The following CNTNAP2 variants were observed in gnomAD, a reference collection of about 807,000 sequenced individuals.
The protein encoded by CNTNAP2 is contactin associated protein 2, also known as contactin-associated protein-like 2.
In CNTNAP2, 98 loss-of-function variants were observed where a neutral mutation model predicts 155.2. That is an observed-to-expected ratio of 0.63 (90% confidence interval 0.54 to 0.75). The LOEUF is 0.75. CNTNAP2 is among the 30% of genes least tolerant of loss of function. CNTNAP2 has a pLI of 0.00. For synonymous variants in CNTNAP2, 651 were observed against 631.2 expected (o/e 1.03, Z -0.47); for missense variants, 1,727 against 1,688.1 (o/e 1.02, Z -0.40).
intron 3 of CNTNAP2, among the ~76,000 whole-genome samples, chr7:147,015,955 T>C (rs1423541355): frequency 2.6e-5 from 4 of 152,116 alleles, no homozygotes; most frequent in South Asian, 2.1e-4. Context: ...TTCTGTCAAG[T>C]AGCAATAGAT....
At chr7:147,139,491 TC>T (rs1801553674) in intron 8 of CNTNAP2, among the ~76,000 whole-genome samples, 1 of 152,040 alleles carries the variant, frequency 6.6e-6, no homozygotes, top group Non-Finnish European at 1.5e-5. Flanking sequence ...TTTGGAACCT[TC>T]CCCACACCAC....
chr7:148,038,701 A>G (rs1217972886), intron 15 of CNTNAP2, among the ~76,000 whole-genome samples: 1 of 152,154 alleles, frequency 6.6e-6, no homozygotes, highest in Non-Finnish European at 1.5e-5. Context: ...AGTATTTCCC[A>G]TGATTTCATT....
intron 1 of CNTNAP2, among the ~76,000 whole-genome samples, chr7:146,670,635 T>C (rs1800286650): frequency 6.6e-6 from 1 of 152,192 alleles, no homozygotes; most frequent in Non-Finnish European, 1.5e-5. Flanking sequence ...AGAATGAGTA[T>C]ATTCTCACGT....
At chr7:146,370,136 C>A (rs1795213437) in intron 1 of CNTNAP2, among the ~76,000 whole-genome samples, 1 of 150,398 alleles carries the variant, frequency 6.6e-6, no homozygotes, top group African/African-American at 2.5e-5. Flanking sequence ...AAAGTTTTTT[C>A]TTGCTGGGCA....
At chr7:146,230,411 A>C (rs1799364757) in intron 1 of CNTNAP2, among the ~76,000 whole-genome samples, 1 of 152,212 alleles carries the variant, frequency 6.6e-6, no homozygotes. Flanking sequence ...GCTGATACAA[A>C]ATGCTAGACA....
At chr7:147,641,184 C>T (rs1253894461) in intron 13 of CNTNAP2, among the ~76,000 whole-genome samples, 1 of 152,184 alleles carries the variant, frequency 6.6e-6, no homozygotes, top group Non-Finnish European at 1.5e-5. Flanking sequence ...TTAAAAGACC[C>T]CTTTTCCCCT....
intron 1 of CNTNAP2, among the ~76,000 whole-genome samples, chr7:146,711,062 G>T (rs1008714538): frequency 1.3e-4 from 20 of 151,446 alleles, no homozygotes; most frequent in African/African-American, 4.6e-4. Context: ...ACACAGGTTG[G>T]CAAGATGCAA....
chr7:147,347,429 TATATATATATGC>T (rs1280076110), intron 9 of CNTNAP2, among the ~76,000 whole-genome samples: 894 of 53,674 alleles, frequency 0.017, 9 homozygotes, highest in African/African-American at 0.051. Context: ...ATTATATATA[TATATATATATGC>T]ATATATATAT....
intron 1 of CNTNAP2, among the ~76,000 whole-genome samples, chr7:146,567,625 A>G (rs781046029): frequency 4.6e-5 from 7 of 152,224 alleles, no homozygotes; most frequent in Non-Finnish European, 1.0e-4. Context: ...AGCACATATC[A>G]GAAAACCCAC....
At chr7:147,919,899 T>C (rs1800238956) in intron 14 of CNTNAP2, among the ~76,000 whole-genome samples, 1 of 151,920 alleles carries the variant, frequency 6.6e-6, no homozygotes, top group Non-Finnish European at 1.5e-5. Context: ...ATTTCTGTTG[T>C]TTTAAGCTAC....
At chr7:147,349,738 G>A (rs1227603159) in intron 9 of CNTNAP2, among the ~76,000 whole-genome samples, 1 of 151,898 alleles carries the variant, frequency 6.6e-6, no homozygotes, top group East Asian at 1.9e-4. Flanking sequence ...AACTATCTGT[G>A]AACATATGTA....
intron 1 of CNTNAP2, among the ~76,000 whole-genome samples, chr7:146,295,297 GA>G (rs1406368019): frequency 6.6e-6 from 1 of 151,724 alleles, no homozygotes; most frequent in Non-Finnish European, 1.5e-5. Flanking sequence ...TTGTAAGTTA[GA>G]GGCTGCAAAA....
At chr7:147,819,043 C>A (rs1798321012) in intron 13 of CNTNAP2, among the ~76,000 whole-genome samples, 1 of 152,118 alleles carries the variant, frequency 6.6e-6, no homozygotes, top group Non-Finnish European at 1.5e-5. Context: ...TTCTACAGAG[C>A]AATTTGGTTT....
intron 18 of CNTNAP2, among the ~76,000 whole-genome samples, chr7:148,175,847 C>G (rs145034436): frequency 6.6e-6 from 1 of 152,238 alleles, no homozygotes; most frequent in East Asian, 1.9e-4. Flanking sequence ...CCTCCCCATC[C>G]TCCTTATCAT....
intron 1 of CNTNAP2, among the ~76,000 whole-genome samples, chr7:146,281,225 C>T (rs1435872889): frequency 6.6e-6 from 1 of 152,140 alleles, no homozygotes; most frequent in Non-Finnish European, 1.5e-5. Context: ...TTTTTCTTCA[C>T]ACAGAGGTGT....
intron 1 of CNTNAP2, among the ~76,000 whole-genome samples, chr7:146,383,281 A>G (rs1795416244): frequency 6.6e-6 from 1 of 152,162 alleles, no homozygotes; most frequent in Non-Finnish European, 1.5e-5. Context: ...ATTTCAATCC[A>G]ATTAATAAAA....
At chr7:147,126,350 G>A (rs1801236729) in intron 6 of CNTNAP2, among the ~76,000 whole-genome samples, 1 of 152,150 alleles carries the variant, frequency 6.6e-6, no homozygotes, top group Admixed American at 6.6e-5. Context: ...TATCATATGA[G>A]CCACAGGAAT....
At position 146,832,624 on chromosome 7, in the gene CNTNAP2, T is replaced by A. The variant is rs571155662; in HGVS notation, c.209-7087T>A. Reference sequence around the variant, plus strand: ...TTATTATATATTATATTTTATATATTATAAATTTATATGAATATATACACT... The same window carrying A: ...TTATTATATATTATATTTTATATATAATAAATTTATATGAATATATACACT... On this transcript the variant is annotated intron_variant, in intron 2 of 23. Coordinates refer to ENST00000361727, the MANE Select transcript of CNTNAP2 (RefSeq NM_014141.6). 3.8e-4 allele frequency among the ~76,000 whole-genome samples: 56 copies of A among 148,220 alleles called. No individual in the cohort carries two copies. The East Asian group carries it at 0.011, about 28-fold the overall frequency.
At chr7:147,299,589 A>G (rs1033477757) in intron 8 of CNTNAP2, among the ~76,000 whole-genome samples, 1 of 152,226 alleles carries the variant, frequency 6.6e-6, no homozygotes, top group African/African-American at 2.4e-5. Context: ...TCTATAAACT[A>G]TACTTACCAA....
Sources: gnomAD v4.1 joint callset for allele counts (sites outside exome capture counted in the v4.1 genomes callset) on GRCh38, gnomAD v4.1.1 for gene constraint, MANE v1.5 for transcripts, NCBI Gene and HGNC (gene_info 2026-07-23, HGNC 2026-07-21) for gene names.